Variants in ENPP1 observed in about 807,000 individuals in gnomAD.
ENPP1 encodes the protein ectonucleotide pyrophosphatase/phosphodiesterase family member 1.
A neutral mutation model predicts 122.8 loss-of-function variants in ENPP1; 73 were observed. That is an observed-to-expected ratio of 0.59 (90% CI 0.49 to 0.72). ENPP1 has a LOEUF of 0.72. Among genes scored for constraint, ENPP1 ranks in the 30% least tolerant of loss-of-function variants. ENPP1 has a pLI of 0.00. For missense variants in ENPP1, 978 were observed against 1,128.1 expected (o/e 0.87, Z 1.91); for synonymous variants, 367 against 391.6 (o/e 0.94, Z 0.74).
At chr6:131,859,672 G>A (rs1268994811) in intron 7 of ENPP1, among the ~76,000 whole-genome samples, 1 of 152,026 alleles carries the variant, frequency 6.6e-6, no homozygotes, top group Non-Finnish European at 1.5e-5. Context: ...GGGTCAGGGG[G>A]TACCTTGCCT....
intron 20 of ENPP1, among the ~76,000 whole-genome samples, chr6:131,880,938 C>A (rs1161650345): frequency 1.3e-5 from 2 of 152,046 alleles, no homozygotes; most frequent in African/African-American, 4.8e-5. Flanking sequence ...TCACCCATGG[C>A]CCCCTGGGTG....
At chr6:131,867,489 A>G (rs1294529346) in intron 11 of ENPP1, among the ~76,000 whole-genome samples, 2 of 152,246 alleles carry the variant, frequency 1.3e-5, no homozygotes, top group Non-Finnish European at 2.9e-5. Flanking sequence ...AATTAAATAC[A>G]TTGAATTATA....
In ENPP1 at chr6:131,851,160, A is replaced by G. The variant is rs751021435; in HGVS notation, c.449A>G (p.Asn150Ser). The G allele has an allele frequency of 1.1e-5, 18 of 1,614,100 alleles. No individual in the cohort carries two copies. Among genetic ancestry groups the G allele is most frequent in the Non-Finnish European group, 1.4e-5 (17 of 1,179,960 alleles). ...CIEPEHIWTCNKFRCGEKRLT... is the reference protein window; with the variant it reads ...CIEPEHIWTCSKFRCGEKRLT... ...TTTCTAGAACATATATGGACTTGCA[A>G]CAAATTCAGGTGTGGTGAGAAAAGG... The change falls in exon 4 of 25, where the codon AAC (asparagine) becomes AGC (serine). Residue 150 changes from asparagine (N) to serine (S), a missense_variant. Coordinates refer to ENST00000647893, the MANE Select transcript of ENPP1 (RefSeq NM_006208.3).
intron 9 of ENPP1, among the ~76,000 whole-genome samples, chr6:131,863,494 C>T (rs933821883): frequency 2.0e-4 from 30 of 152,072 alleles, no homozygotes; most frequent in Admixed American, 1.7e-3. Flanking sequence ...ATCCCAGACA[C>T]GAAATGCTTA....
intron 1 of ENPP1, among the ~76,000 whole-genome samples, chr6:131,812,289 G>A (rs1781364628): frequency 6.6e-6 from 1 of 152,174 alleles, no homozygotes; most frequent in African/African-American, 2.4e-5. Flanking sequence ...GTAACCAAAT[G>A]AATATTTTAA....
intron 15 of ENPP1, among the ~76,000 whole-genome samples, chr6:131,873,801 G>A (rs1387346147): frequency 6.6e-6 from 1 of 151,718 alleles, no homozygotes; most frequent in Non-Finnish European, 1.5e-5. Flanking sequence ...GGAGAGCTGG[G>A]CTTTTAGTTT....
chr6:131,856,100 T>A (rs1221162024), intron 6 of ENPP1, among the ~76,000 whole-genome samples: 2 of 152,174 alleles, frequency 1.3e-5, no homozygotes, highest in Non-Finnish European at 2.9e-5. Context: ...TTTTAGTTTT[T>A]AATTTCTACA....
chr6:131,811,376 A>ATATATCTATATCTATATATC, intron 1 of ENPP1, among the ~76,000 whole-genome samples: 1 of 131,290 alleles, frequency 7.6e-6, no homozygotes, highest in South Asian at 2.5e-4. Context: ...ATCTATATCT[A>ATATATCTATATCTATATATC]TATATCTATA....
At chr6:131,841,106 C>T (rs1781734131) in intron 1 of ENPP1, among the ~76,000 whole-genome samples, 1 of 152,214 alleles carries the variant, frequency 6.6e-6, no homozygotes, top group Admixed American at 6.5e-5. Flanking sequence ...TGAACAACTG[C>T]TTGAGTGGAC....
rs1781489827 is a variant in ENPP1, at chr6:131,821,970, C to T, written c.240+13695C>T. Among the ~76,000 whole-genome samples, 4 of 152,114 alleles carry T rather than the reference C, an allele frequency of 2.6e-5. No homozygotes were observed. The South Asian group carries it at 8.3e-4, about 32-fold the overall frequency. Reference sequence around the variant, plus strand: ...GCTTCCTATAAACTGCCACCCAGCACCATTTCGATTATAATCTCTGGGATA... The same window carrying T: ...GCTTCCTATAAACTGCCACCCAGCATCATTTCGATTATAATCTCTGGGATA... On this transcript the variant is annotated intron_variant, in intron 1 of 24. Transcript: ENST00000647893.
intron 1 of ENPP1, among the ~76,000 whole-genome samples, chr6:131,829,627 T>G (rs1309485692): frequency 6.6e-6 from 1 of 152,126 alleles, no homozygotes; most frequent in Non-Finnish European, 1.5e-5. Flanking sequence ...CAAAATAATT[T>G]AATATAGGAA....
chr6:131,816,971 A>G (rs972327849), intron 1 of ENPP1, among the ~76,000 whole-genome samples: 2 of 152,192 alleles, frequency 1.3e-5, no homozygotes, highest in African/African-American at 4.8e-5. Context: ...GGAAGTGTTA[A>G]AGACAGAGAT....
At chr6:131,870,891 A>G (rs1782153350) in intron 13 of ENPP1, among the ~76,000 whole-genome samples, 1 of 152,178 alleles carries the variant, frequency 6.6e-6, no homozygotes, top group African/African-American at 2.4e-5. Context: ...ATCCTGGCCA[A>G]CGTGGTGAAA....
At chr6:131,847,931 G>A in intron 2 of ENPP1, 83 bp downstream of exon 2, 2 of 1,066,124 alleles carry the variant, frequency 1.9e-6, no homozygotes, top group Non-Finnish European at 2.8e-6. Context: ...TGTGATTGAG[G>A]TAAACATTAT....
At chr6:131,856,333 G>A (rs1024010549) in intron 6 of ENPP1, among the ~76,000 whole-genome samples, 1 of 150,728 alleles carries the variant, frequency 6.6e-6, no homozygotes, top group African/African-American at 2.5e-5. Context: ...TTTTGATGGG[G>A]TTGTTTGTTT....
chr6:131,885,011 G>C lies in ENPP1; in HGVS notation c.2392G>C (p.Val798Leu). The stretch of plus-strand genomic sequence containing the variant: ...TGGTGTCAATGTCGTCAGTGGTCCT[G>C]TGTTTGACTTTGATTATGATGGACG... ...RNGVNVVSGPVFDFDYDGRCD... is the reference protein window; with the variant it reads ...RNGVNVVSGPLFDFDYDGRCD... Residue 798 changes from valine (V) to leucine (L), a missense_variant, in exon 23 of 25, where the codon GTG becomes CTG. Transcript: ENST00000647893. 1 of 1,614,036 alleles carries C rather than the reference G, an allele frequency of 6.2e-7. No individual in the cohort carries two copies. The highest frequency in any genetic ancestry group is 1.3e-5 in the African/African-American group (1 of 75,036).
At chr6:131,890,245 A>G in intron 24 of ENPP1, 96 bp from the exon 25 acceptor site, 2 of 1,004,432 alleles carry the variant, frequency 2.0e-6, no homozygotes, top group Non-Finnish European at 3.2e-6. Context: ...CAGAGCTGAA[A>G]TCTCGTAAAT....
intron 7 of ENPP1, among the ~76,000 whole-genome samples, chr6:131,860,029 A>C (rs1190061339): frequency 6.6e-6 from 1 of 152,034 alleles, no homozygotes; most frequent in Non-Finnish European, 1.5e-5. Flanking sequence ...GGGTTTCACC[A>C]TGTTGGCAAA....
intron 1 of ENPP1, among the ~76,000 whole-genome samples, chr6:131,839,850 A>G (rs1781719509): frequency 6.6e-6 from 1 of 152,194 alleles, no homozygotes; most frequent in Admixed American, 6.5e-5. Context: ...AGTTATATAC[A>G]GTTATATACA....
Sources: gnomAD v4.1 joint callset for allele counts (sites outside exome capture counted in the v4.1 genomes callset) on GRCh38, gnomAD v4.1.1 for gene constraint, MANE v1.5 for transcripts, NCBI Gene and HGNC (gene_info 2026-07-23, HGNC 2026-07-21) for gene names.